Variants in ITPR1 observed in about 807,000 individuals in gnomAD.
The protein encoded by ITPR1 is inositol 1,4,5-trisphosphate receptor type 1.
A neutral mutation model predicts 318.4 loss-of-function variants in ITPR1; 96 were observed. That is an observed-to-expected ratio of 0.30 (90% CI 0.26 to 0.36). The LOEUF (loss-of-function observed/expected upper bound fraction) is 0.36, where lower values mean the gene tolerates loss of function less well. Among genes scored for constraint, ITPR1 ranks in the 10% least tolerant of loss-of-function variants. The pLI, the probability that ITPR1 is intolerant of heterozygous loss-of-function variation, is 1.00. For synonymous variants in ITPR1, 1,312 were observed against 1,289.9 expected (o/e 1.02, Z -0.37); for missense variants, 2,440 against 3,460.2 (o/e 0.71, Z 7.40).
chr3:4,653,361 C>T (rs899728571), intron 11 of ITPR1, among the ~76,000 whole-genome samples: 2 of 152,138 alleles, frequency 1.3e-5, no homozygotes, highest in Admixed American at 6.6e-5. Flanking sequence ...ATCAAGAACT[C>T]CAAGTTCAAA....
chr3:4,497,340 G>A (rs1052480506), intron 2 of ITPR1, among the ~76,000 whole-genome samples: 3 of 140,926 alleles, frequency 2.1e-5, no homozygotes, highest in Non-Finnish European at 4.7e-5. Context: ...AGTTGTGTGC[G>A]ATTCAAATGT....
intron 4 of ITPR1, among the ~76,000 whole-genome samples, chr3:4,623,135 A>G (rs1323399133): frequency 3.3e-5 from 5 of 152,112 alleles, no homozygotes; most frequent in African/African-American, 7.2e-5. Flanking sequence ...CCTTGCTCCC[A>G]TCTCCTCTTA....
rs1285540328 is a variant in ITPR1, at chr3:4,697,173, G to T, written c.4308G>T (p.Leu1436=). The change falls in exon 34 of 62, where the codon CTG becomes CTT. Residue 1436 remains leucine, a synonymous_variant. Coordinates refer to ENST00000649015, the MANE Select transcript of ITPR1 (RefSeq NM_001378452.1). ...TTAAAATTGCATACATTAACTTCCT[G>T]AATCACTGCTATGTGGATACAGAGG... ...PEVKIAYINF[L]NHCYVDTEVE... 6.2e-7 allele frequency: 1 copy of T among 1,609,446 alleles called. No individual in the cohort carries two copies.
At chr3:4,703,857 A>T (rs939285210) in intron 36 of ITPR1, among the ~76,000 whole-genome samples, 1 of 152,112 alleles carries the variant, frequency 6.6e-6, no homozygotes, top group Non-Finnish European at 1.5e-5. Flanking sequence ...CACAGTAAGA[A>T]ATTAGGTTTT....
rs1174959303 is a variant in ITPR1, at chr3:4,658,115, C to T, written c.997-9C>T. 1 of 1,602,804 alleles carries T rather than the reference C, an allele frequency of 6.2e-7. No individual in the cohort carries two copies. Among genetic ancestry groups the T allele is most frequent in the Admixed American group, 1.7e-5 (1 of 59,060 alleles). ...CATGGTTCTTGATTTGGTGACTTTA[C>T]CTCCTCAGGTGGACCCTGATCAGGA... On this transcript the variant is annotated splice_polypyrimidine_tract_variant and intron_variant, in intron 12 of 61. Transcript: ENST00000649015.
chr3:4,751,639 A>ATTATTATTT (rs2044530448), intron 44 of ITPR1: 5 of 152,224 alleles, frequency 3.3e-5, no homozygotes, highest in African/African-American at 9.6e-5. Context: ...AGGCAAGCTG[A>ATTATTATTT]CTTCCCTTTA....
chr3:4,588,078 A>T (rs1300307547), intron 4 of ITPR1, among the ~76,000 whole-genome samples: 1 of 152,212 alleles, frequency 6.6e-6, no homozygotes, highest in East Asian at 1.9e-4. Flanking sequence ...CATTTGGTTC[A>T]ATCTGACACT....
At chr3:4,529,539 A>G (rs2083249665) in intron 4 of ITPR1, among the ~76,000 whole-genome samples, 1 of 152,048 alleles carries the variant, frequency 6.6e-6, no homozygotes, top group South Asian at 2.1e-4. Context: ...GCTTATGATA[A>G]CTCTTTTCCT....
intron 44 of ITPR1, among the ~76,000 whole-genome samples, chr3:4,764,946 CTGGA>C (rs61395050): frequency 0.39 from 57,698 of 147,376 alleles, 12,447 homozygotes; most frequent in Non-Finnish European, 0.51. Flanking sequence ...TAGTGGGTGG[CTGGA>C]TGGATGGATG....
At chr3:4,727,492 C>A (rs2054872) in intron 42 of ITPR1, among the ~76,000 whole-genome samples, 20,771 of 152,046 alleles carry the variant, frequency 0.14, 1,497 homozygotes, top group Non-Finnish European at 0.16. Context: ...TGGCTGATGA[C>A]CATTATAATT....
At chr3:4,800,769 C>T (rs994846088) in intron 54 of ITPR1, among the ~76,000 whole-genome samples, 169 bp downstream of exon 54, 1 of 152,220 alleles carries the variant, frequency 6.6e-6, no homozygotes, top group African/African-American at 2.4e-5. Context: ...ACGTCTCCCT[C>T]TTGACCTCCG....
At chr3:4,714,361 T>A (rs1459424683) in intron 39 of ITPR1, among the ~76,000 whole-genome samples, 1 of 152,186 alleles carries the variant, frequency 6.6e-6, no homozygotes, top group African/African-American at 2.4e-5. Context: ...ATGAGTGGCC[T>A]CTTATGGAGC....
chr3:4,759,215 C>T (rs2045255572), intron 44 of ITPR1, among the ~76,000 whole-genome samples: 2 of 152,232 alleles, frequency 1.3e-5, no homozygotes, highest in Non-Finnish European at 2.9e-5. Context: ...CGCTCCATGG[C>T]TTTGCAAGGA....
chr3:4,689,035 A>G (rs890782590), intron 31 of ITPR1, among the ~76,000 whole-genome samples: 1 of 152,232 alleles, frequency 6.6e-6, no homozygotes, highest in East Asian at 1.9e-4. Context: ...TTTGTTAAAT[A>G]TATTTCTAGA....
chr3:4,511,101 GAC>G (rs2081788711), intron 2 of ITPR1, among the ~76,000 whole-genome samples: 1 of 152,124 alleles, frequency 6.6e-6, no homozygotes, highest in Admixed American at 6.5e-5. Flanking sequence ...GGACATGAGA[GAC>G]AGATTTGGGA....
intron 25 of ITPR1, among the ~76,000 whole-genome samples, 169 bp downstream of exon 25, chr3:4,680,860 A>G (rs931295373): frequency 1.3e-5 from 2 of 152,234 alleles, no homozygotes; most frequent in Non-Finnish European, 2.9e-5. Flanking sequence ...TAATTGATAG[A>G]GCCCAGATTC....
At chr3:4,817,954 A>G in intron 59 of ITPR1, 128 bp from the exon 60 acceptor site, 1 of 684,410 alleles carries the variant, frequency 1.5e-6, no homozygotes, top group Non-Finnish European at 2.3e-6. Context: ...TAAGGCCGAC[A>G]GAATCCAACT....
At chr3:4,748,329 C>T (rs1285716026) in intron 44 of ITPR1, among the ~76,000 whole-genome samples, 1 of 152,106 alleles carries the variant, frequency 6.6e-6, no homozygotes, top group Non-Finnish European at 1.5e-5. Context: ...ATCTTGTTTT[C>T]GTTTGGGGTG....
chr3:4,519,778 A>AT (rs35186868), intron 3 of ITPR1, among the ~76,000 whole-genome samples: 54,562 of 151,942 alleles, frequency 0.36, 9,979 homozygotes, highest in Admixed American at 0.41. Context: ...GGACACTTTG[A>AT]TTTACCCACC....
Sources: gnomAD v4.1 joint callset for allele counts (sites outside exome capture counted in the v4.1 genomes callset) on GRCh38, gnomAD v4.1.1 for gene constraint, MANE v1.5 for transcripts, NCBI Gene and HGNC (gene_info 2026-07-23, HGNC 2026-07-21) for gene names.